The following RBM26 variants were observed in gnomAD, a reference collection of about 807,000 sequenced individuals.
RBM26 encodes the protein RNA binding motif protein 26, also known as RNA-binding protein 26.
In RBM26, 30 loss-of-function variants were observed where a neutral mutation model predicts 123.6. The ratio of observed to expected loss-of-function variants is 0.24; its 90% CI spans 0.18 to 0.33. RBM26 has a LOEUF of 0.33. Ranked by LOEUF, RBM26 falls within the 10% of genes least tolerant of loss-of-function variation. The probability of loss-of-function intolerance (pLI) is 1.00; values close to 1 mark genes in which losing one functional copy is unlikely to be tolerated. For synonymous variants in RBM26, 400 were observed against 404.4 expected, an observed-to-expected ratio of 0.99 and a Z score of 0.13; for missense variants, 947 against 1,203.6, an observed-to-expected ratio of 0.79 and a Z score of 3.15.
At chr13:79,337,416 G>T in intron 18 of RBM26, 114 bp from the exon 19 acceptor site, 1 of 1,194,494 alleles carries the variant, frequency 8.4e-7, no homozygotes, top group Non-Finnish European at 1.2e-6. Flanking sequence ...GTATTCAAAT[G>T]CCCTATAAAA....
chr13:79,393,611 C>T (rs1166992481), intron 1 of RBM26, among the ~76,000 whole-genome samples: 1 of 152,176 alleles, frequency 6.6e-6, no homozygotes, highest in Admixed American at 6.5e-5. Flanking sequence ...AGACATTCAA[C>T]CCCCATACAG....
chr13:79,344,817 T>C (rs373475896), intron 14 of RBM26, 23 bp from the exon 15 acceptor site: 59 of 1,605,104 alleles, frequency 3.7e-5, no homozygotes, highest in Non-Finnish European at 4.8e-5. Context: ...ATTCAACTTT[T>C]AAAAATATAT....
intron 3 of RBM26, among the ~76,000 whole-genome samples, chr13:79,372,674 C>A (rs2076022231): frequency 6.9e-6 from 1 of 144,872 alleles, no homozygotes; most frequent in Admixed American, 7.0e-5. Flanking sequence ...TAAATACATA[C>A]ACACACACAA....
At chr13:79,343,575 C>T (rs1460423471) in intron 16 of RBM26, among the ~76,000 whole-genome samples, 1 of 151,762 alleles carries the variant, frequency 6.6e-6, no homozygotes, top group Non-Finnish European at 1.5e-5. Context: ...TAATCAAGAA[C>T]TGAGACTAAT....
At chr13:79,360,270 G>T (rs2074521557) in intron 9 of RBM26, among the ~76,000 whole-genome samples, 1 of 151,980 alleles carries the variant, frequency 6.6e-6, no homozygotes, top group South Asian at 2.1e-4. Context: ...TTACACACGA[G>T]GAGTCTTGGA....
chr13:79,334,596 A>G (rs1190479137), intron 19 of RBM26, among the ~76,000 whole-genome samples, 166 bp from the exon 20 acceptor site: 2 of 152,066 alleles, frequency 1.3e-5, no homozygotes, highest in East Asian at 1.9e-4. Flanking sequence ...TTAGTACTTG[A>G]TAAGATAAAA....
At chr13:79,404,407 T>C (rs1261782758) in intron 1 of RBM26, among the ~76,000 whole-genome samples, 2 of 152,216 alleles carry the variant, frequency 1.3e-5, no homozygotes, top group East Asian at 3.8e-4. Context: ...TGAATAATCT[T>C]CTTACTTCCA....
At chr13:79,364,245 A>C (rs2075027951) in intron 9 of RBM26, among the ~76,000 whole-genome samples, 1 of 152,230 alleles carries the variant, frequency 6.6e-6, no homozygotes, top group South Asian at 2.1e-4. Flanking sequence ...AATCTGAATT[A>C]AAACATTCCT....
intron 17 of RBM26, among the ~76,000 whole-genome samples, chr13:79,342,255 T>C (rs1031017204): frequency 9.2e-5 from 14 of 151,844 alleles, no homozygotes; most frequent in East Asian, 5.8e-4. Context: ...TCTATGTAGA[T>C]TGATCTACCT....
At chr13:79,325,461 T>C (rs548511260) in intron 20 of RBM26, among the ~76,000 whole-genome samples, 1 of 152,240 alleles carries the variant, frequency 6.6e-6, no homozygotes, top group Non-Finnish European at 1.5e-5. Context: ...AGACATAGAC[T>C]AATGTATGTG....
At chr13:79,383,939 C>T (rs1327512269) in intron 1 of RBM26, among the ~76,000 whole-genome samples, 3 of 152,004 alleles carry the variant, frequency 2.0e-5, no homozygotes, top group East Asian at 1.9e-4. Context: ...TATGGCTATC[C>T]GGAAAAGAAA....
chr13:79,312,693 G>A (rs1033087917), exon 5 of RBM26: 3 of 151,972 alleles, frequency 2.0e-5, no homozygotes, highest in African/African-American at 7.2e-5. Flanking sequence ...GGGAAGCTGG[G>A]CACAAATAAG....
At chr13:79,316,714 TTAAG>T (rs546601343), downstream of RBM26, among the ~76,000 whole-genome samples, 219 of 151,962 alleles carry the variant, frequency 1.4e-3, 1 homozygote, top group South Asian at 2.9e-3. Flanking sequence ...ACAACACTGC[TTAAG>T]TAGAGACACA....
Position 79,319,676 on chromosome 13 carries a change from T to G in RBM26, c.*945A>C, listed in dbSNP as rs1211281070. On this transcript the variant is annotated 3_prime_UTR_variant, in exon 22 of 22. Transcript: ENST00000438737. ...AATGTTAGCTCTACTTGCAGTCTGG[T>G]TCCAAACTAATCAGCCTGCTTTTAA... 11 of 984,012 alleles carry G rather than the reference T, an allele frequency of 1.1e-5. No individual in the cohort carries two copies. The South Asian group carries it at 3.8e-4, about 34-fold the overall frequency. 61.0% of individuals were successfully genotyped at this position (984,012 alleles called of 1,614,324 possible). A position where few individuals can be genotyped will look rare whatever the true frequency, so the allele number is the denominator to read the frequency against.
intron 3 of RBM26, among the ~76,000 whole-genome samples, chr13:79,373,589 CT>C (rs1339485546): frequency 1.3e-5 from 1 of 77,198 alleles, no homozygotes; most frequent in Non-Finnish European, 2.4e-5. Flanking sequence ...TTATATATTA[CT>C]ATATATATTT....
intron 2 of RBM26, among the ~76,000 whole-genome samples, chr13:79,377,835 G>A (rs547789960): frequency 6.6e-6 from 1 of 152,094 alleles, no homozygotes; most frequent in African/African-American, 2.4e-5. Context: ...TTGAACCCAG[G>A]AGGCAGAGAC....
At chr13:79,350,305 T>A (rs1163944182) in intron 14 of RBM26, among the ~76,000 whole-genome samples, 1 of 152,162 alleles carries the variant, frequency 6.6e-6, no homozygotes, top group East Asian at 1.9e-4. Flanking sequence ...TAAAGAAGAT[T>A]AAATATTCCA....
intron 4 of RBM26, 72 bp from the exon 5 acceptor site, chr13:79,371,234 A>C: frequency 1.6e-6 from 2 of 1,229,356 alleles, no homozygotes; most frequent in Non-Finnish European, 2.3e-6. Context: ...TTAAATGCAA[A>C]AGTTACATTT....
intron 1 of RBM26, among the ~76,000 whole-genome samples, chr13:79,379,203 G>T (rs547432788): frequency 1.3e-5 from 2 of 151,878 alleles, no homozygotes; most frequent in South Asian, 4.2e-4. Flanking sequence ...TATAAAAGTG[G>T]CATCCAAACC....
Sources: gnomAD v4.1 joint callset for allele counts (sites outside exome capture counted in the v4.1 genomes callset) on GRCh38, gnomAD v4.1.1 for gene constraint, MANE v1.5 for transcripts, NCBI Gene and HGNC (gene_info 2026-07-23, HGNC 2026-07-21) for gene names.